The following NLN variants were observed in gnomAD, a reference collection of about 807,000 sequenced individuals.
NLN encodes neurolysin, mitochondrial.
A neutral mutation model predicts 79.9 loss-of-function variants in NLN; 64 were observed. That is an observed-to-expected ratio of 0.80 (90% CI 0.65 to 0.99). The LOEUF (loss-of-function observed/expected upper bound fraction) is 0.99, where lower values mean the gene tolerates loss of function less well. Ranked by LOEUF, NLN falls within the 50% of genes least tolerant of loss-of-function variation. The probability of loss-of-function intolerance (pLI) is 0.00; values close to 1 mark genes in which losing one functional copy is unlikely to be tolerated. For synonymous variants in NLN, 267 were observed against 296.6 expected (o/e 0.90, Z 1.02); for missense variants, 835 against 858.7 (o/e 0.97, Z 0.34).
At chr5:65,749,447 T>A (rs1017694541) in intron 1 of NLN, among the ~76,000 whole-genome samples, 5 of 152,146 alleles carry the variant, frequency 3.3e-5, no homozygotes, top group Admixed American at 6.5e-5. Context: ...GTGCACTTCA[T>A]GGGAGAGGCA....
chr5:65,742,517 C>T (rs914523472), intron 1 of NLN, among the ~76,000 whole-genome samples: 2 of 152,100 alleles, frequency 1.3e-5, no homozygotes, highest in Non-Finnish European at 2.9e-5. Context: ...AGAATGTCTC[C>T]ATATTTAGCG....
chr5:65,788,975 A>C (rs1759996977), intron 8 of NLN, among the ~76,000 whole-genome samples: 1 of 151,586 alleles, frequency 6.6e-6, no homozygotes, highest in Non-Finnish European at 1.5e-5. Context: ...CTGTCTCAAA[A>C]AAAAAAAAAT....
In NLN at chr5:65,722,257, T is replaced by G; in HGVS notation, c.-117T>G. On this transcript the variant is annotated 5_prime_UTR_variant, in exon 1 of 13. Coordinates refer to ENST00000380985, the MANE Select transcript of NLN (RefSeq NM_020726.5). ...GGGAGGGCGCTGGCCAGGCAGCCAC[T>G]GTGGCCTCTGCGGCTAGGCCGGCTC... 1 of 692,538 alleles carries G rather than the reference T, an allele frequency of 1.4e-6. No individual in the cohort carries two copies. The highest frequency in any genetic ancestry group is 2.1e-5 in the South Asian group (1 of 47,258). 42.9% of individuals were successfully genotyped at this position (692,538 alleles called of 1,614,324 possible).
chr5:65,812,198 T>A (rs745871924), intron 11 of NLN, 57 bp from the exon 12 acceptor site: 72 of 1,495,344 alleles, frequency 4.8e-5, no homozygotes, highest in Non-Finnish European at 6.0e-5. Flanking sequence ...TAGCTAGCTG[T>A]TAACCTGATC....
intron 2 of NLN, 93 bp downstream of exon 2, chr5:65,758,919 G>A (rs1172249602): frequency 3.4e-6 from 4 of 1,181,094 alleles, no homozygotes; most frequent in Admixed American, 2.2e-5. Context: ...AGTTTTACAA[G>A]CATTGATTTT....
intron 12 of NLN, among the ~76,000 whole-genome samples, chr5:65,822,556 C>T (rs1760825904): frequency 6.6e-6 from 1 of 152,142 alleles, no homozygotes; most frequent in Admixed American, 6.5e-5. Context: ...GGAGACAAGA[C>T]CATAATAAAG....
At chr5:65,772,479 G>A (rs1011669268) in intron 3 of NLN, among the ~76,000 whole-genome samples, 2 of 152,184 alleles carry the variant, frequency 1.3e-5, no homozygotes, top group African/African-American at 2.4e-5. Context: ...TAGTCAGCAA[G>A]CAGTGCTGGC....
At chr5:65,727,618 A>G (rs2150731605) in intron 1 of NLN, among the ~76,000 whole-genome samples, 2 of 152,316 alleles carry the variant, frequency 1.3e-5, no homozygotes, top group South Asian at 4.1e-4. Context: ...ATGTGACCCA[A>G]GCAAAGCCTA....
chr5:65,780,052 T>A, intron 4 of NLN, 127 bp from the exon 5 acceptor site: 1 of 570,858 alleles, frequency 1.8e-6, no homozygotes, highest in Non-Finnish European at 3.1e-6. Context: ...TCTTGGACTC[T>A]TGACCTCAAA....
At chr5:65,762,675 C>A (rs1000237684) in intron 2 of NLN, among the ~76,000 whole-genome samples, 1 of 150,490 alleles carries the variant, frequency 6.6e-6, no homozygotes. Context: ...TGCACTCCAG[C>A]CTGGGCGACA....
chr5:65,746,803 G>A (rs961484381), intron 1 of NLN, among the ~76,000 whole-genome samples: 2 of 152,078 alleles, frequency 1.3e-5, no homozygotes, highest in Admixed American at 1.3e-4. Context: ...AGGAGATCGA[G>A]ACCATCCTGG....
chr5:65,815,730 C>T (rs1441789232), intron 12 of NLN, among the ~76,000 whole-genome samples: 1 of 152,028 alleles, frequency 6.6e-6, no homozygotes, highest in African/African-American at 2.4e-5. Context: ...TTGTTCCCTC[C>T]TACAATATAC....
chr5:65,792,670 TC>T lies in NLN; in HGVS notation c.1527+20del, dbSNP rs751912094. 13 of 1,584,056 alleles carry T rather than the reference TC, an allele frequency of 8.2e-6. No individual in the cohort carries two copies. The highest frequency in any genetic ancestry group is 4.1e-5 in the African/African-American group (3 of 73,240). The stretch of plus-strand genomic sequence containing the variant: ...TTTGTGCACAGGTGAGTTTTTTTTT[TC>T]CCCCAGTAAACCTGCCAATTAGTTT... On this transcript the variant is annotated intron_variant, in intron 9 of 12. Coordinates refer to ENST00000380985, the MANE Select transcript of NLN (RefSeq NM_020726.5).
intron 1 of NLN, among the ~76,000 whole-genome samples, chr5:65,738,978 TA>T (rs1365437786): frequency 8.9e-5 from 2 of 22,468 alleles, no homozygotes; most frequent in African/African-American, 3.1e-4. Context: ...TAAATATATA[TA>T]TTATATATTT....
Position 65,826,493 on chromosome 5 carries a change from G to A in NLN, c.*3578G>A, listed in dbSNP as rs1201041353. On this transcript the variant is annotated 3_prime_UTR_variant, in exon 13 of 13. Coordinates refer to ENST00000380985, the MANE Select transcript of NLN (RefSeq NM_020726.5). ...GAAAATCCATTTTATTTGAATAGAT[G>A]CAGTGACCACAGCTTCTTCCCTCAA... 1.3e-5 allele frequency: 2 copies of A among 152,194 alleles called. No homozygotes were observed. Among genetic ancestry groups the A allele is most frequent in the Non-Finnish European group, 2.9e-5 (2 of 68,040 alleles). 9.4% of individuals were successfully genotyped at this position (152,194 alleles called of 1,614,324 possible).
intron 3 of NLN, among the ~76,000 whole-genome samples, chr5:65,769,636 T>A (rs1402950227): frequency 6.6e-6 from 1 of 152,226 alleles, no homozygotes; most frequent in Non-Finnish European, 1.5e-5. Flanking sequence ...TGTGTTGTGG[T>A]CCTCTCCCTC....
intron 9 of NLN, among the ~76,000 whole-genome samples, chr5:65,801,015 G>A (rs904651837): frequency 6.6e-6 from 1 of 152,010 alleles, no homozygotes; most frequent in Non-Finnish European, 1.5e-5. Context: ...TTAGACAACT[G>A]TCTTCCTCTC....
At chr5:65,810,676 C>A (rs1208787576) in intron 11 of NLN, among the ~76,000 whole-genome samples, 1 of 152,084 alleles carries the variant, frequency 6.6e-6, no homozygotes, top group Admixed American at 6.5e-5. Flanking sequence ...TCCTGTTATG[C>A]TATCAAGAAG....
chr5:65,736,322 A>G (rs116578778), intron 1 of NLN, among the ~76,000 whole-genome samples: 24 of 152,286 alleles, frequency 1.6e-4, no homozygotes, highest in African/African-American at 5.5e-4. Flanking sequence ...TTTACTTTTT[A>G]TTTTGTCAAT....
Sources: allele counts gnomAD v4.1 joint callset (sites outside exome capture counted in the v4.1 genomes callset), GRCh38; gene constraint gnomAD v4.1.1; transcripts MANE v1.5; gene names NCBI Gene and HGNC (gene_info 2026-07-23, HGNC 2026-07-21).